CSMD1: variants seen among roughly 807,000 people sequenced by gnomAD.
The protein encoded by CSMD1 is CUB and sushi domain-containing protein 1.
In CSMD1, 213 loss-of-function variants were observed where a neutral mutation model predicts 417.5. That is an observed-to-expected ratio of 0.51 (90% CI 0.46 to 0.57). CSMD1 has a LOEUF of 0.57. Among genes scored for constraint, CSMD1 ranks in the 20% least tolerant of loss-of-function variants. The pLI, the probability that CSMD1 is intolerant of heterozygous loss-of-function variation, is 0.00. For synonymous variants in CSMD1, 2,862 were observed against 1,736.8 expected (o/e 1.65, Z -16.11); for missense variants, 6,923 against 4,529.7 (o/e 1.53, Z -15.17).
intron 56 of CSMD1, among the ~76,000 whole-genome samples, chr8:2,974,020 G>C (rs895741343): frequency 1.4e-5 from 2 of 144,868 alleles, no homozygotes; most frequent in Admixed American, 6.7e-5. Context: ...GATGGTAGAG[G>C]ATGATGGTAG....
chr8:4,027,430 A>C (rs1271611957), intron 4 of CSMD1, among the ~76,000 whole-genome samples: 2 of 152,032 alleles, frequency 1.3e-5, no homozygotes, highest in East Asian at 1.9e-4. Context: ...TGATTAGATC[A>C]TGGGGGTGGG....
intron 3 of CSMD1, among the ~76,000 whole-genome samples, chr8:4,241,195 C>T (rs1802377306): frequency 6.6e-6 from 1 of 152,178 alleles, no homozygotes. Flanking sequence ...ACTCTCCAGT[C>T]AAACAAAGTC....
At chr8:4,032,407 T>G (rs142977183) in intron 3 of CSMD1, among the ~76,000 whole-genome samples, 5 of 151,520 alleles carry the variant, frequency 3.3e-5, no homozygotes, top group African/African-American at 1.2e-4. Context: ...GTCACAAAAT[T>G]CTACTTACTC....
intron 15 of CSMD1, among the ~76,000 whole-genome samples, chr8:3,400,859 T>C (rs1347775795): frequency 6.6e-6 from 1 of 151,344 alleles, no homozygotes; most frequent in Non-Finnish European, 1.5e-5. Context: ...TTTATACCTA[T>C]GCATTATTCT....
intron 4 of CSMD1, among the ~76,000 whole-genome samples, chr8:4,003,197 T>C (rs1039823301): frequency 2.6e-5 from 4 of 151,976 alleles, no homozygotes; most frequent in African/African-American, 9.7e-5. Context: ...ATCGAGACCA[T>C]CCTGGCTAAC....
At chr8:4,129,165 C>T (rs1185984442) in intron 3 of CSMD1, among the ~76,000 whole-genome samples, 1 of 151,152 alleles carries the variant, frequency 6.6e-6, no homozygotes, top group African/African-American at 2.4e-5. Context: ...CAACACATCC[C>T]CAACCTCTTC....
chr8:4,883,050 G>A (rs961336250), intron 1 of CSMD1, among the ~76,000 whole-genome samples: 3 of 152,044 alleles, frequency 2.0e-5, no homozygotes, highest in African/African-American at 7.3e-5. Context: ...TCGTTAGAGT[G>A]CTATGGATTA....
intron 2 of CSMD1, among the ~76,000 whole-genome samples, chr8:4,550,797 G>A (rs765348281): frequency 3.9e-5 from 6 of 152,136 alleles, no homozygotes; most frequent in Non-Finnish European, 8.8e-5. Context: ...TCAACACAGT[G>A]CTCTACAAAC....
chr8:3,566,165 AAG>A (rs557234630), intron 10 of CSMD1, among the ~76,000 whole-genome samples: 153 of 152,142 alleles, frequency 1.0e-3, no homozygotes, highest in Non-Finnish European at 1.8e-3. Flanking sequence ...GCAAACAACA[AAG>A]AGAGGAGAAA....
Position 3,241,675 on chromosome 8 carries a change from T to G in CSMD1, c.4154-11444A>C, listed in dbSNP as rs376010072. On this transcript the variant is annotated intron_variant, in intron 26 of 69. Transcript: ENST00000635120. The stretch of plus-strand genomic sequence containing the variant: ...GGCCTGGTGGCCAGATTTCTGGCAC[T>G]TGTAGCAAGCTCCTGGGGGAGGTGT... 2.9e-4 allele frequency among the ~76,000 whole-genome samples: 44 copies of G among 152,284 alleles called. 1 individual carries two copies. The South Asian group carries it at 7.9e-3, about 27-fold the overall frequency.
At chr8:4,049,131 A>G (rs1202957393) in intron 3 of CSMD1, among the ~76,000 whole-genome samples, 2 of 151,992 alleles carry the variant, frequency 1.3e-5, no homozygotes, top group African/African-American at 2.4e-5. Context: ...TTTTACAGCT[A>G]TTCTTTCTTA....
At chr8:3,593,434 G>C (rs776336608) in intron 8 of CSMD1, among the ~76,000 whole-genome samples, 3 of 152,188 alleles carry the variant, frequency 2.0e-5, no homozygotes, top group Non-Finnish European at 4.4e-5. Flanking sequence ...CAGAGGCCTA[G>C]GAAAGGTTAT....
At chr8:4,476,739 T>C (rs1800823215) in intron 2 of CSMD1, among the ~76,000 whole-genome samples, 2 of 152,304 alleles carry the variant, frequency 1.3e-5, no homozygotes, top group South Asian at 4.1e-4. Context: ...TCTTAATTTC[T>C]ATACCTCCGT....
intron 12 of CSMD1, among the ~76,000 whole-genome samples, chr8:3,451,222 G>C (rs1159239001): frequency 4.6e-5 from 7 of 152,198 alleles, no homozygotes; most frequent in African/African-American, 1.2e-4. Context: ...TTAGCCCTTT[G>C]TCAGATGAGT....
At chr8:4,096,988 G>T (rs917826250) in intron 3 of CSMD1, among the ~76,000 whole-genome samples, 1 of 152,132 alleles carries the variant, frequency 6.6e-6, no homozygotes, top group Non-Finnish European at 1.5e-5. Context: ...AAAGGGATGG[G>T]CAGAGATAAA....
At chr8:4,046,685 G>A (rs1242635307) in intron 3 of CSMD1, among the ~76,000 whole-genome samples, 1 of 152,086 alleles carries the variant, frequency 6.6e-6, no homozygotes, top group African/African-American at 2.4e-5. Flanking sequence ...ATTTCCATTT[G>A]ATTTTAAAAG....
intron 4 of CSMD1, among the ~76,000 whole-genome samples, chr8:4,001,915 C>T (rs1214396877): frequency 6.6e-6 from 1 of 151,866 alleles, no homozygotes; most frequent in Admixed American, 6.6e-5. Context: ...AATTCCCAAA[C>T]CTTATGACTA....
intron 1 of CSMD1, among the ~76,000 whole-genome samples, chr8:4,972,142 GTAGGTAGAAA>G (rs1217992658): frequency 6.6e-6 from 1 of 152,114 alleles, no homozygotes; most frequent in African/African-American, 2.4e-5. Context: ...CGCTGCCCCT[GTAGGTAGAAA>G]TGAGACCACA....
At chr8:3,734,718 T>A (rs898560577) in intron 6 of CSMD1, among the ~76,000 whole-genome samples, 3 of 152,050 alleles carry the variant, frequency 2.0e-5, no homozygotes, top group African/African-American at 4.8e-5. Flanking sequence ...CTCAAAAAAA[T>A]AAGTAAAATG....
Sources: gnomAD v4.1 joint callset for allele counts (sites outside exome capture counted in the v4.1 genomes callset) on GRCh38, gnomAD v4.1.1 for gene constraint, MANE v1.5 for transcripts, NCBI Gene and HGNC (gene_info 2026-07-23, HGNC 2026-07-21) for gene names.